The following HECTD2 variants were observed in gnomAD, a reference collection of about 807,000 sequenced individuals.
HECTD2 encodes HECT domain E3 ubiquitin protein ligase 2, also known as probable E3 ubiquitin-protein ligase HECTD2.
In HECTD2, 35 loss-of-function variants were observed where a neutral mutation model predicts 103.2. The ratio of observed to expected loss-of-function variants is 0.34; its 90% CI spans 0.26 to 0.45. The LOEUF (loss-of-function observed/expected upper bound fraction) is 0.45, where lower values mean the gene tolerates loss of function less well. HECTD2 is among the 20% of genes least tolerant of loss of function. HECTD2 has a pLI of 1.00. For synonymous variants in HECTD2, 281 were observed against 329.9 expected (o/e 0.85, Z 1.61); for missense variants, 596 against 937.4 (o/e 0.64, Z 4.76).
chr10:91,445,844 C>T (rs1250113140), intron 2 of HECTD2, among the ~76,000 whole-genome samples: 4 of 152,112 alleles, frequency 2.6e-5, no homozygotes, highest in Admixed American at 6.5e-5. Context: ...AGGAACGGTG[C>T]ACTCCGGCCC....
At chr10:91,443,768 A>C (rs1358474375) in intron 2 of HECTD2, among the ~76,000 whole-genome samples, 1 of 152,158 alleles carries the variant, frequency 6.6e-6, no homozygotes, top group African/African-American at 2.4e-5. Context: ...ATACTACGAA[A>C]CACTCTTCCA....
At chr10:91,483,217 T>G (rs1476907247) in intron 8 of HECTD2, 141 bp downstream of exon 8, 1 of 438,984 alleles carries the variant, frequency 2.3e-6, no homozygotes, top group Non-Finnish European at 4.0e-6. Flanking sequence ...AAAAGCCAGT[T>G]ACAAAAATCT....
intron 11 of HECTD2, chr10:91,488,910 C>T (rs1330594609): frequency 6.6e-6 from 1 of 152,090 alleles, no homozygotes; most frequent in Non-Finnish European, 1.5e-5. Flanking sequence ...GTTACTTGAT[C>T]TTGGGTAGAT....
chr10:91,435,785 A>G (rs935364248), intron 2 of HECTD2, among the ~76,000 whole-genome samples: 5 of 151,200 alleles, frequency 3.3e-5, no homozygotes, highest in Non-Finnish European at 1.5e-5. Flanking sequence ...ATTCCAGAAA[A>G]TTTTCTTGAA....
chr10:91,486,789 G>C (rs1461788630), intron 10 of HECTD2: 1 of 151,944 alleles, frequency 6.6e-6, no homozygotes, highest in Admixed American at 6.6e-5. Flanking sequence ...CAGTACTGAA[G>C]AACTCTCAAC....
chr10:91,478,000 A>C (rs1234271454), intron 5 of HECTD2, among the ~76,000 whole-genome samples: 1 of 152,212 alleles, frequency 6.6e-6, no homozygotes, highest in Non-Finnish European at 1.5e-5. Flanking sequence ...TGCTACACAT[A>C]CCAGGGATAC....
At chr10:91,454,824 GT>G (rs1463464064) in intron 2 of HECTD2, among the ~76,000 whole-genome samples, 1 of 151,886 alleles carries the variant, frequency 6.6e-6, no homozygotes, top group Non-Finnish European at 1.5e-5. Flanking sequence ...GCGGTGTTTG[GT>G]TTTTTGTCCT....
In HECTD2 at chr10:91,512,612, G is replaced by A. The variant is rs1833070896; in HGVS notation, c.*228G>A. 1 of 475,988 alleles carries A rather than the reference G, an allele frequency of 2.1e-6. No individual in the cohort carries two copies. 29.5% of individuals were successfully genotyped at this position (475,988 alleles called of 1,614,324 possible). A position where few individuals can be genotyped will look rare whatever the true frequency, so the allele number is the denominator to read the frequency against. ...GGAAAAGTCCACATGGCAGAGACAG[G>A]TATGGTCCAGTTCCTCTTTTATATA... On this transcript the variant is annotated 3_prime_UTR_variant, in exon 21 of 21. Coordinates refer to ENST00000298068, the MANE Select transcript of HECTD2 (RefSeq NM_182765.6).
intron 2 of HECTD2, among the ~76,000 whole-genome samples, chr10:91,432,299 G>C (rs7077014): frequency 0.2 from 30,489 of 151,826 alleles, 7,265 homozygotes; most frequent in African/African-American, 0.58. Flanking sequence ...CAGCTTGTTT[G>C]CCCGTCTGAT....
chr10:91,490,346 A>C (rs917873216), intron 11 of HECTD2, among the ~76,000 whole-genome samples: 3 of 152,148 alleles, frequency 2.0e-5, no homozygotes, highest in Non-Finnish European at 4.4e-5. Flanking sequence ...TGCTGTGATA[A>C]ACATTGTACT....
chr10:91,439,251 G>A (rs963215415), intron 2 of HECTD2, among the ~76,000 whole-genome samples: 1 of 152,050 alleles, frequency 6.6e-6, no homozygotes, highest in Non-Finnish European at 1.5e-5. Flanking sequence ...GTTAATTTTT[G>A]TATGAGGTGT....
At position 91,434,233 on chromosome 10, in the gene HECTD2, A is replaced by G. The variant is rs115985431; in HGVS notation, c.268+8823A>G. Among the ~76,000 whole-genome samples the G allele has an allele frequency of 9.1e-3, 1,378 of 152,034 alleles. 24 individuals carry two copies. Among genetic ancestry groups the G allele is most frequent in the African/African-American group, 0.032 (1,324 of 41,500 alleles). On this transcript the variant is annotated intron_variant, in intron 2 of 20. Transcript: ENST00000298068. ...TGTTCAGAAAAGTCATCCTATAGAC[A>G]ATGATGTAAAAACCACTTGTTATGA... is the stretch of plus-strand genomic sequence containing the variant.
chr10:91,482,279 T>C (rs371038859), intron 7 of HECTD2, among the ~76,000 whole-genome samples: 54 of 152,080 alleles, frequency 3.6e-4, no homozygotes, highest in African/African-American at 1.3e-3. Context: ...GAGGTTTTTT[T>C]CAATAATATT....
At chr10:91,411,920 A>G (rs1320911598) in intron 1 of HECTD2, among the ~76,000 whole-genome samples, 1 of 152,170 alleles carries the variant, frequency 6.6e-6, no homozygotes, top group Non-Finnish European at 1.5e-5. Context: ...GGTTGTTTAA[A>G]ACAGTAAATG....
At chr10:91,480,412 C>A (rs929724578) in intron 6 of HECTD2, among the ~76,000 whole-genome samples, 17 of 151,848 alleles carry the variant, frequency 1.1e-4, no homozygotes, top group Admixed American at 1.1e-3. Flanking sequence ...TTTTTCAATC[C>A]AGGACCCAGT....
intron 6 of HECTD2, among the ~76,000 whole-genome samples, chr10:91,479,367 GTC>G (rs1846013878): frequency 6.6e-6 from 1 of 151,888 alleles, no homozygotes; most frequent in African/African-American, 2.4e-5. Flanking sequence ...GAGTGAGACT[GTC>G]TCAAAAAAAA....
intron 2 of HECTD2, among the ~76,000 whole-genome samples, chr10:91,444,280 C>T (rs1235028451): frequency 6.6e-6 from 1 of 152,022 alleles, no homozygotes; most frequent in African/African-American, 2.4e-5. Flanking sequence ...TTTATTAATA[C>T]CATGTTGAGG....
At chr10:91,412,874 G>A (rs560267394) in intron 1 of HECTD2, among the ~76,000 whole-genome samples, 2 of 152,126 alleles carry the variant, frequency 1.3e-5, no homozygotes, top group Non-Finnish European at 2.9e-5. Context: ...GGGAGGGGGA[G>A]GAGGTCTTGA....
intron 5 of HECTD2, among the ~76,000 whole-genome samples, chr10:91,470,989 C>G (rs941299764): frequency 1.4e-5 from 2 of 146,996 alleles, no homozygotes; most frequent in Admixed American, 6.6e-5. Context: ...CACACACACA[C>G]GCACACACAC....
Sources: allele counts gnomAD v4.1 joint callset (sites outside exome capture counted in the v4.1 genomes callset), GRCh38; gene constraint gnomAD v4.1.1; transcripts MANE v1.5; gene names NCBI Gene and HGNC (gene_info 2026-07-23, HGNC 2026-07-21).